The following HNRNPL variants were observed in gnomAD, a reference collection of about 807,000 sequenced individuals.
HNRNPL encodes epididymis secretory sperm binding protein.
Under a neutral mutation model 64.0 loss-of-function variants are expected in HNRNPL, and 12 were observed. The observed-to-expected ratio is 0.19, with a 90% CI of 0.12 to 0.30. HNRNPL has a LOEUF of 0.30. HNRNPL is among the 10% of genes least tolerant of loss of function. The pLI is 1.00. For missense variants in HNRNPL, 484 were observed against 797.4 expected, an observed-to-expected ratio of 0.61 and a Z score of 4.73; for synonymous variants, 385 against 313.0, an observed-to-expected ratio of 1.23 and a Z score of -2.43.
rs755276524 is a variant in HNRNPL, at chr19:38,840,210, G to A, written c.1119C>T (p.Pro373=). 1.2e-5 allele frequency: 19 copies of A among 1,576,140 alleles called. No individual in the cohort carries two copies. The highest frequency in any genetic ancestry group is 6.7e-5 in the East Asian group (3 of 44,594). Residue 373 remains proline, a synonymous_variant, in exon 8 of 13, where the codon CCC becomes CCT. Coordinates refer to ENST00000221419, the MANE Select transcript of HNRNPL (RefSeq NM_001533.3). ...YGHPPPPPPP[P]EYGPHADSPV... ...GGCTGTCGGCGTGAGGGCCATACTC[G>A]GGTGGTGGGGGAGGGGGTGGGGGGT...
chr19:38,845,561 G>A, intron 4 of HNRNPL, 89 bp downstream of exon 4: 3 of 1,059,926 alleles, frequency 2.8e-6, no homozygotes, highest in South Asian at 2.6e-5. Flanking sequence ...CCCGTGGTCA[G>A]CAGACACATG....
At chr19:38,848,631 C>T (rs540992811) in intron 1 of HNRNPL, among the ~76,000 whole-genome samples, 1 of 152,336 alleles carries the variant, frequency 6.6e-6, no homozygotes, top group Non-Finnish European at 1.5e-5. Flanking sequence ...ACGCGAACCA[C>T]AGGGTGAGGC....
Position 38,836,435 on chromosome 19 carries a change from C to T in HNRNPL, c.*287G>A. ...ATTTTATTGAAATGTGCCAAGAGTACATGGGCAGCACAAATGTATGAACAG... is the reference window on the plus strand; with the variant it reads ...ATTTTATTGAAATGTGCCAAGAGTATATGGGCAGCACAAATGTATGAACAG... On this transcript the variant is annotated 3_prime_UTR_variant, in exon 13 of 13. Transcript: ENST00000221419. 1.3e-5 allele frequency: 4 copies of T among 298,618 alleles called. No individual in the cohort carries two copies. In the South Asian group the frequency reaches 1.5e-4, roughly 12 times the overall value. 18.5% of individuals were successfully genotyped at this position (298,618 alleles called of 1,614,324 possible). A position where few individuals can be genotyped will look rare whatever the true frequency, so the allele number is the denominator to read the frequency against.
Position 38,844,311 on chromosome 19 carries a change from T to C in HNRNPL, c.711-207A>G, listed in dbSNP as rs559133429. 2.0e-5 allele frequency among the ~76,000 whole-genome samples: 3 copies of C among 152,312 alleles called. No individual in the cohort carries two copies. In the South Asian group the frequency reaches 6.2e-4, roughly 32 times the overall value. ...AACGCTGCCCCGGGTGAGCAGTCAC[T>C]GGCCAGAGTTCTCTCATAATCTGCA... On this transcript the variant is annotated intron_variant, in intron 4 of 12. Transcript: ENST00000221419.
At chr19:38,840,766 C>T (rs1972091202) in intron 6 of HNRNPL, 2 of 587,094 alleles carry the variant, frequency 3.4e-6, no homozygotes, top group Non-Finnish European at 5.9e-6. Flanking sequence ...CCTTCCCCTG[C>T]TCATACCAAA....
rs1194843765 is a variant in HNRNPL, at chr19:38,840,332, A to T, written c.997T>A (p.Tyr333Asn). 6.5e-7 allele frequency: 1 copy of T among 1,546,960 alleles called. No individual in the cohort carries two copies. Among genetic ancestry groups the T allele is most frequent in the African/African-American group, 1.4e-5 (1 of 73,220 alleles). The change falls in exon 8 of 13, where the codon TAC (tyrosine) becomes AAC (asparagine). Residue 333 changes from tyrosine (Y) to asparagine (N), a missense_variant. Transcript: ENST00000221419. ...TCGTAGTGAGGTGGGGGGGGCCCGTAGCCCTCATCATGGTAATGGCTGTGG... is the reference window on the plus strand; with the variant it reads ...TCGTAGTGAGGTGGGGGGGGCCCGTTGCCCTCATCATGGTAATGGCTGTGG... Reference protein sequence around the residue: ...GYHSHYHDEGYGPPPPHYEGR... With the variant: ...GYHSHYHDEGNGPPPPHYEGR...
intron 4 of HNRNPL, chr19:38,844,892 A>G (rs879931529): frequency 2.6e-5 from 4 of 152,018 alleles, no homozygotes; most frequent in African/African-American, 9.7e-5. Flanking sequence ...TTGTATTATT[A>G]GCGACAGGGT....
intron 4 of HNRNPL, among the ~76,000 whole-genome samples, chr19:38,844,575 G>A (rs2145425862): frequency 6.6e-6 from 1 of 152,102 alleles, no homozygotes; most frequent in Non-Finnish European, 1.5e-5. Flanking sequence ...CAATCCTCAG[G>A]TCTTTCAATT....
At chr19:38,841,426 G>C (rs1645749922) in intron 6 of HNRNPL, 1 of 371,522 alleles carries the variant, frequency 2.7e-6, no homozygotes, top group Non-Finnish European at 5.3e-6. Context: ...GCAAGACAGT[G>C]GCTGAGCCAT....
At chr19:38,837,045 C>T (rs1971952383) in intron 12 of HNRNPL, 1 of 535,574 alleles carries the variant, frequency 1.9e-6, no homozygotes, top group Admixed American at 3.5e-5. Flanking sequence ...ACTGGGTGGG[C>T]AAGTTTTACC....
chr19:38,849,779 G>A lies in HNRNPL; in HGVS notation c.188C>T (p.Thr63Ile), dbSNP rs1293632184. 2.1e-6 allele frequency: 3 copies of A among 1,431,794 alleles called. No individual in the cohort carries two copies. Among genetic ancestry groups the A allele is most frequent in the South Asian group, 2.6e-5 (2 of 78,028 alleles). The allele number at this position is 1,431,794 out of a possible 1,614,324, so 88.7% of individuals were successfully genotyped here. A position where few individuals can be genotyped will look rare whatever the true frequency, so the allele number is the denominator to read the frequency against. The change falls in exon 1 of 13, where the codon ACT (threonine) becomes ATT (isoleucine). Residue 63 changes from threonine (T) to isoleucine (I), a missense_variant. Thr to Ile is a moderately conservative substitution (Grantham distance 89). Transcript: ENST00000221419. ...TCCGTGCTGGTCGCCGGCGTTGTCA[G>A]TCTTGAGCCGCTTAGGGGCCCGGCC... ...EGGRAPKRLK[T>I]DNAGDQHGGG...
intron 9 of HNRNPL, 147 bp from the exon 10 acceptor site, chr19:38,838,745 G>T: frequency 7.6e-7 from 1 of 1,310,044 alleles, no homozygotes; most frequent in Non-Finnish European, 1.1e-6. Flanking sequence ...TTCTCCTGTG[G>T]TGTCAGAGAC....
At position 38,838,944 on chromosome 19, in the gene HNRNPL, G is replaced by A; in HGVS notation, c.1305C>T (p.Ala435=). ...TGAAGTTGTTGTTGAGGTGGGTAATGGCCCGGTCTACAGCGTAGCCATCAG... is the reference window on the plus strand; with the variant it reads ...TGAAGTTGTTGTTGAGGTGGGTAATAGCCCGGTCTACAGCGTAGCCATCAG... The part of the protein sequence containing the change: ...EMADGYAVDR[A]ITHLNNNFMF... Residue 435 remains alanine (A), a synonymous_variant, in exon 9 of 13, where the codon GCC becomes GCT. Transcript: ENST00000221419. 1 of 1,614,170 alleles carries A rather than the reference G, an allele frequency of 6.2e-7. No individual in the cohort carries two copies. Among genetic ancestry groups the A allele is most frequent in the Non-Finnish European group, 8.5e-7 (1 of 1,180,036 alleles).
At chr19:38,837,820 C>A (rs914770644) in intron 10 of HNRNPL, among the ~76,000 whole-genome samples, 169 bp from the exon 11 acceptor site, 2 of 152,242 alleles carry the variant, frequency 1.3e-5, no homozygotes, top group Non-Finnish European at 2.9e-5. Flanking sequence ...AGGCCAGCAA[C>A]AATGCTCTTT....
chr19:38,838,111 T>A (rs570598835), intron 10 of HNRNPL, among the ~76,000 whole-genome samples: 1 of 152,356 alleles, frequency 6.6e-6, no homozygotes, highest in African/African-American at 2.4e-5. Context: ...TCACTGGGCC[T>A]GTGAAGCAGC....
rs747856101 is a variant in HNRNPL at position 38,849,902 on chromosome 19, G to C, written c.65C>G (p.Pro22Arg). 1.9e-5 allele frequency: 24 copies of C among 1,271,782 alleles called. No homozygotes were observed. In the Admixed American group the frequency reaches 4.6e-4, roughly 24 times the overall value. 78.8% of individuals were successfully genotyped at this position (1,271,782 alleles called of 1,614,324 possible). ...TCCCGACCGCCTCCGCTGCTCGTCCGGCTGCTGCCTCTGCTCCAGCCGCCG... is the reference window on the plus strand; with the variant it reads ...TCCCGACCGCCTCCGCTGCTCGTCCCGCTGCTGCCTCTGCTCCAGCCGCCG... ...RRRRLEQRQQ[P>R]DEQRRRSGAM... The change falls in exon 1 of 13, where the codon CCG (proline) becomes CGG (arginine). Residue 22 changes from proline to arginine, a missense_variant. By Grantham distance (103) the Pro-to-Arg change is moderately radical. This residue lies in a region of HNRNPL where 190 missense variants were observed against 160.1 expected (regional missense o/e 1.19). Coordinates refer to ENST00000221419, the MANE Select transcript of HNRNPL (RefSeq NM_001533.3).
In HNRNPL at chr19:38,837,467, G is replaced by A; in HGVS notation, c.1628C>T (p.Ser543Phe). The change falls in exon 12 of 13, where the codon TCC becomes TTC. Residue 543 changes from serine (S) to phenylalanine (F), a missense_variant. By Grantham distance (155) the Ser-to-Phe change is radical. Transcript: ENST00000221419. Reference sequence around the variant, plus strand: ...GGATTCCCACTCCAGCAGTCCAGAGGAGCTGCGCTCACCTGATTGCAAACC... The same window carrying A: ...GGATTCCCACTCCAGCAGTCCAGAGAAGCTGCGCTCACCTGATTGCAAACC... ...KVFSGKSERS[S>F]SGLLEWESKS... 1.2e-6 allele frequency: 2 copies of A among 1,614,214 alleles called. No individual in the cohort carries two copies. Among genetic ancestry groups the A allele is most frequent in the Non-Finnish European group, 1.7e-6 (2 of 1,180,028 alleles).
At chr19:38,848,540 G>C (rs1322147624) in intron 1 of HNRNPL, among the ~76,000 whole-genome samples, 2 of 152,174 alleles carry the variant, frequency 1.3e-5, no homozygotes, top group Non-Finnish European at 2.9e-5. Context: ...CTGGGCTCTG[G>C]GGCCGGCCCC....
At position 38,836,794 on chromosome 19, in the gene HNRNPL, A is replaced by G; in HGVS notation, c.1712-14T>C. On this transcript the variant is annotated splice_polypyrimidine_tract_variant and intron_variant, in intron 12 of 12. Coordinates refer to ENST00000221419, the MANE Select transcript of HNRNPL (RefSeq NM_001533.3). ...GGTATGGACCATCTGCAAAGGAGAG[A>G]CAAGTTTGGTTGGTTCCCGTCTTTG... is the stretch of plus-strand genomic sequence containing the variant. The G allele has an allele frequency of 6.2e-7, 1 of 1,608,380 alleles. No homozygotes were observed. Among genetic ancestry groups the G allele is most frequent in the Non-Finnish European group, 8.5e-7 (1 of 1,177,270 alleles).
Sources: gnomAD v4.1 joint callset for allele counts (sites outside exome capture counted in the v4.1 genomes callset) on GRCh38, gnomAD v4.1.1 for gene constraint, gnomAD v4.1.1 regional missense constraint, MANE v1.5 for transcripts, NCBI Gene and HGNC (gene_info 2026-07-23, HGNC 2026-07-21) for gene names.